Variants in PIK3C2G observed in about 807,000 individuals in gnomAD.
PIK3C2G encodes the protein phosphatidylinositol-4-phosphate 3-kinase catalytic subunit type 2 gamma.
PIK3C2G carries 168 observed loss-of-function variants against 181.1 expected under a neutral mutation model. That is an observed-to-expected ratio of 0.93 (90% CI 0.82 to 1.05). PIK3C2G has a LOEUF of 1.05. Ranked by LOEUF, PIK3C2G falls within the 50% of genes least tolerant of loss-of-function variation. PIK3C2G has a pLI of 0.00. For missense variants in PIK3C2G, 1,869 were observed against 1,732.8 expected (o/e 1.08, Z -1.40); for synonymous variants, 573 against 592.2 (o/e 0.97, Z 0.47).
rs191322138 is a variant in PIK3C2G at position 18,399,626 on chromosome 12, C to G, written c.2127-33C>G. 564 of 1,396,572 alleles carry G rather than the reference C, an allele frequency of 4.0e-4. 1 individual carries two copies. The African/African-American group carries it at 7.7e-3, about 19-fold the overall frequency. 86.5% of individuals were successfully genotyped at this position (1,396,572 alleles called of 1,614,324 possible). ...CAACATTTGTTAGTGCAGCAAACTC[C>G]AGTAAATTACAGTTTCCAATCTGGT... On this transcript the variant is annotated intron_variant, in intron 15 of 32. Coordinates refer to ENST00000538779, the MANE Select transcript of PIK3C2G (RefSeq NM_001288772.2).
intron 31 of PIK3C2G, among the ~76,000 whole-genome samples, chr12:18,639,032 T>C (rs936593513): frequency 1.3e-5 from 2 of 151,704 alleles, no homozygotes; most frequent in East Asian, 1.9e-4. Context: ...CATTATACCA[T>C]TGATAGATTT....
chr12:18,275,366 C>CT (rs543342333), intron 1 of PIK3C2G, among the ~76,000 whole-genome samples: 1 of 151,998 alleles, frequency 6.6e-6, no homozygotes, highest in Non-Finnish European at 1.5e-5. Context: ...TATTCCACAT[C>CT]TTTTTTATCC....
chr12:18,582,149 C>T lies in PIK3C2G; in HGVS notation c.4012-12345C>T, dbSNP rs139697019. 5.3e-5 allele frequency among the ~76,000 whole-genome samples: 8 copies of T among 152,180 alleles called. 1 individual carries two copies. The East Asian group carries it at 1.6e-3, about 30-fold the overall frequency. ...AGAAGCAGCTAGTGTGCATAGCTCT[C>T]ATGGAGAGAAATAGAAGGGGCAAGG... On this transcript the variant is annotated intron_variant, in intron 29 of 32. Transcript: ENST00000538779.
At chr12:18,684,288 TA>T in the PIK3C2G span, 17 of 1,594,456 alleles carry the variant, frequency 1.1e-5, no homozygotes, top group Non-Finnish European at 1.4e-5. Context: ...AGCTGAAATA[TA>T]AAAAAAGAAG....
At chr12:18,383,792 T>C (rs1942990302) in intron 14 of PIK3C2G, among the ~76,000 whole-genome samples, 1 of 151,184 alleles carries the variant, frequency 6.6e-6, no homozygotes, top group Non-Finnish European at 1.5e-5. Flanking sequence ...TGAACACTTG[T>C]TTTGGTTTGG....
intron 18 of PIK3C2G, among the ~76,000 whole-genome samples, chr12:18,451,271 C>A (rs1480715893): frequency 6.6e-6 from 1 of 152,102 alleles, no homozygotes; most frequent in Non-Finnish European, 1.5e-5. Context: ...GTTTGTAGTT[C>A]TCCTTGAAGA....
At chr12:18,288,824 C>G (rs974362449) in intron 3 of PIK3C2G, among the ~76,000 whole-genome samples, 3 of 152,144 alleles carry the variant, frequency 2.0e-5, no homozygotes, top group African/African-American at 7.2e-5. Context: ...ATTTCTTATT[C>G]TTGGATGAAA....
intron 13 of PIK3C2G, among the ~76,000 whole-genome samples, chr12:18,378,748 AAC>A (rs1240622775): frequency 2.6e-5 from 4 of 152,234 alleles, no homozygotes; most frequent in Non-Finnish European, 4.4e-5. Context: ...ATGCAGCCAA[AAC>A]ACACATGAAA....
chr12:18,634,824 A>G lies in PIK3C2G; in HGVS notation c.4183-5605A>G, dbSNP rs79197916. ...CTTCATTATTAAAATCTTCTGATGA[A>G]GTCACCCTTCAGTGAGCATTCACAT... is the stretch of plus-strand genomic sequence containing the variant. On this transcript the variant is annotated intron_variant, in intron 31 of 32. Transcript: ENST00000538779. 5.7e-3 allele frequency among the ~76,000 whole-genome samples: 865 copies of G among 152,322 alleles called. 2 individuals are homozygous for G. Among genetic ancestry groups the G allele is most frequent in the Middle Eastern group, 0.014 (4 of 294 alleles).
the PIK3C2G span, among the ~76,000 whole-genome samples, chr12:18,677,746 C>T: frequency 6.6e-6 from 1 of 152,046 alleles, no homozygotes; most frequent in Non-Finnish European, 1.5e-5. Context: ...TTAAGAACAA[C>T]TGGTCTACAT....
At chr12:18,269,447 C>T (rs921769895) in intron 1 of PIK3C2G, among the ~76,000 whole-genome samples, 1 of 152,084 alleles carries the variant, frequency 6.6e-6, no homozygotes, top group African/African-American at 2.4e-5. Flanking sequence ...AGTAATGAAA[C>T]ATTATCTCCC....
the PIK3C2G span, among the ~76,000 whole-genome samples, chr12:18,695,804 T>G: frequency 6.6e-6 from 1 of 152,068 alleles, no homozygotes; most frequent in Non-Finnish European, 1.5e-5. Flanking sequence ...ATGATAGAGG[T>G]CACTTGATTT....
chr12:18,639,169 T>C (rs574804972), intron 31 of PIK3C2G, among the ~76,000 whole-genome samples: 18 of 152,132 alleles, frequency 1.2e-4, no homozygotes, highest in African/African-American at 3.9e-4. Flanking sequence ...ATCTTATTTG[T>C]TAATAATTAT....
chr12:18,665,408 G>GA, the PIK3C2G span, among the ~76,000 whole-genome samples: 1 of 151,004 alleles, frequency 6.6e-6, no homozygotes, highest in Non-Finnish European at 1.5e-5. Context: ...TTCACCACAA[G>GA]AAAAAAAAAT....
At chr12:18,303,319 C>CTCTCTT (rs1206326371) in intron 5 of PIK3C2G, among the ~76,000 whole-genome samples, 1 of 146,152 alleles carries the variant, frequency 6.8e-6, no homozygotes, top group East Asian at 2.0e-4. Flanking sequence ...TCTTTCCTTT[C>CTCTCTT]TCTCTTTCTC....
At chr12:18,355,455 G>T (rs886902098) in intron 11 of PIK3C2G, among the ~76,000 whole-genome samples, 1 of 152,194 alleles carries the variant, frequency 6.6e-6, no homozygotes, top group Non-Finnish European at 1.5e-5. Context: ...TTTAATCATT[G>T]TATCTCTCCC....
chr12:18,313,891 G>C, intron 5 of PIK3C2G, 71 bp from the exon 6 acceptor site: 1 of 818,700 alleles, frequency 1.2e-6, no homozygotes, highest in Non-Finnish European at 2.0e-6. Context: ...AGAAAATGAA[G>C]TCAGAGAGGA....
At chr12:18,259,831 G>A (rs1222470562), upstream of PIK3C2G, among the ~76,000 whole-genome samples, 1 of 151,930 alleles carries the variant, frequency 6.6e-6, no homozygotes, top group African/African-American at 2.4e-5. Flanking sequence ...CCTAAAAAAC[G>A]GAGTAGACTA....
At chr12:18,589,054 A>G (rs1946936663) in intron 29 of PIK3C2G, among the ~76,000 whole-genome samples, 1 of 152,156 alleles carries the variant, frequency 6.6e-6, no homozygotes, top group African/African-American at 2.4e-5. Flanking sequence ...GAACACATGA[A>G]CACAAAGACA....
Sources: gnomAD v4.1 joint callset for allele counts (sites outside exome capture counted in the v4.1 genomes callset) on GRCh38, gnomAD v4.1.1 for gene constraint, MANE v1.5 for transcripts, NCBI Gene and HGNC (gene_info 2026-07-23, HGNC 2026-07-21) for gene names.